Variants in TAL1 observed in about 807,000 individuals in gnomAD.
The protein encoded by TAL1 is T-cell acute lymphocytic leukemia protein 1.
Under a neutral mutation model 17.9 loss-of-function variants are expected in TAL1, and 8 were observed. That is an observed-to-expected ratio of 0.45 (90% confidence interval 0.26 to 0.81). The LOEUF (loss-of-function observed/expected upper bound fraction) is 0.81. Among genes scored for constraint, TAL1 ranks in the 30% least tolerant of loss-of-function variants. The pLI, the probability that TAL1 is intolerant of heterozygous loss-of-function variation, is 0.17. For missense variants in TAL1, 466 were observed against 486.9 expected (o/e 0.96, Z 0.40); for synonymous variants, 223 against 218.6 (o/e 1.02, Z -0.18).
At position 47,225,993 on chromosome 1, in the gene TAL1, C is replaced by T. The variant is rs921096796; in HGVS notation, c.-1-104G>A. 2.8e-5 allele frequency: 35 copies of T among 1,234,724 alleles called. 1 individual carries two copies. Among genetic ancestry groups the T allele is most frequent in the Middle Eastern group, 5.2e-4 (2 of 3,856 alleles). The allele number at this position is 1,234,724 out of a possible 1,614,324, so 76.5% of individuals were successfully genotyped here. On this transcript the variant is annotated intron_variant, in intron 1 of 3. Transcript: ENST00000294339. ...GGAGAAGGGCAGAGAGAGGAACTCA[C>T]GCACCGAGACGTGAGAAGAGGCAGA...
chr1:47,222,052 G>C (rs938303507), intron 3 of TAL1, among the ~76,000 whole-genome samples: 4 of 152,240 alleles, frequency 2.6e-5, no homozygotes, highest in Non-Finnish European at 5.9e-5. Flanking sequence ...GTTCTACCCT[G>C]GGCGGCCTCT....
chr1:47,230,890 C>G (rs1306254490), upstream of TAL1: 1 of 152,200 alleles, frequency 6.6e-6, no homozygotes, highest in Admixed American at 6.5e-5. Context: ...GTATCAGACC[C>G]AAGCGGCAAC....
upstream of TAL1, among the ~76,000 whole-genome samples, chr1:47,231,478 C>T (rs78219697): frequency 0.053 from 8,014 of 151,960 alleles, 278 homozygotes; most frequent in African/African-American, 0.085. Flanking sequence ...CAAACACCAC[C>T]TAGCACTGCC....
chr1:47,219,744 G>C (rs761558592), exon 4 of TAL1: 44 of 1,610,448 alleles, frequency 2.7e-5, no homozygotes, highest in Non-Finnish European at 3.5e-5. Flanking sequence ...CTCCATCGGC[G>C]GCAGGCAGCA....
exon 1 of TAL1, chr1:47,229,302 CT>C: frequency 2.4e-5 from 5 of 206,304 alleles, no homozygotes; most frequent in Non-Finnish European, 4.0e-5. Flanking sequence ...TGCTTTCCCC[CT>C]TTTTCGCTGA....
chr1:47,219,266 G>A, exon 4 of TAL1: 1 of 451,958 alleles, frequency 2.2e-6, no homozygotes, highest in Non-Finnish European at 4.2e-6. Context: ...GCAGCTATTG[G>A]GTACCTATAA....
At chr1:47,221,063 C>G (rs1322863314) in intron 3 of TAL1, among the ~76,000 whole-genome samples, 1 of 152,236 alleles carries the variant, frequency 6.6e-6, no homozygotes, top group Non-Finnish European at 1.5e-5. Flanking sequence ...GGCTGGAGTC[C>G]TGTGCACAAG....
chr1:47,217,433 A>C (rs916361576), exon 4 of TAL1: 35 of 397,766 alleles, frequency 8.8e-5, no homozygotes, highest in African/African-American at 6.2e-4. Context: ...TGGAGAAATG[A>C]GGACAATCTC....
chr1:47,229,797 G>GAA (rs1209498981), upstream of TAL1: 1 of 152,216 alleles, frequency 6.6e-6, no homozygotes, highest in African/African-American at 2.4e-5. Context: ...TCCGTGTTGG[G>GAA]AAAGGCGAAT....
At chr1:47,217,449 C>T in exon 4 of TAL1, 1 of 398,114 alleles carries the variant, frequency 2.5e-6, no homozygotes. Context: ...ATCTCAATAA[C>T]TCAGGCCAAA....
exon 4 of TAL1, chr1:47,218,480 G>C: frequency 4.3e-6 from 1 of 232,828 alleles, no homozygotes; most frequent in South Asian, 1.8e-4. Flanking sequence ...CACTTCTATT[G>C]CATTAAACCA....
intron 3 of TAL1, 75 bp downstream of exon 4, chr1:47,223,929 C>A: frequency 7.1e-7 from 1 of 1,406,718 alleles, no homozygotes. Context: ...ACGGAGTAGT[C>A]CCAGATGTTC....
chr1:47,221,695 G>A (rs72896542), intron 3 of TAL1, among the ~76,000 whole-genome samples: 3,881 of 152,260 alleles, frequency 0.025, 163 homozygotes, highest in African/African-American at 0.088. Context: ...GAAAACCGAG[G>A]TAGAGGAGAA....
chr1:47,224,263 T>C (rs1643875580), intron 2 of TAL1, among the ~76,000 whole-genome samples, 165 bp from the exon 4 acceptor site: 1 of 150,592 alleles, frequency 6.6e-6, no homozygotes. Context: ...CACACACACA[T>C]ACACACGGAA....
At chr1:47,229,334 G>A (rs1557682346) in exon 1 of TAL1, 1 of 198,022 alleles carries the variant, frequency 5.0e-6, no homozygotes, top group African/African-American at 2.3e-5. Context: ...GTTACGCTGC[G>A]GTGTGGTCCT....
intron 1 of TAL1, 48 bp from the exon 3 acceptor site, chr1:47,225,937 C>G: frequency 6.5e-7 from 1 of 1,545,026 alleles, no homozygotes; most frequent in Non-Finnish European, 8.7e-7. Context: ...GACGACCGCC[C>G]CTGACCCACC....
At chr1:47,223,860 G>A in intron 3 of TAL1, 144 bp downstream of exon 4, 1 of 773,274 alleles carries the variant, frequency 1.3e-6, no homozygotes, top group Non-Finnish European at 2.2e-6. Context: ...CAGCTGCAGG[G>A]TGAAGGGCTT....
chr1:47,224,403 AAC>A (rs3835389), intron 2 of TAL1, among the ~76,000 whole-genome samples: 115,617 of 148,550 alleles, frequency 0.78, 45,131 homozygotes, highest in Middle Eastern at 0.87. Flanking sequence ...CACAAAAATG[AAC>A]ACACACACAC....
At chr1:47,225,790 C>G in exon 2 of TAL1, 1 of 1,564,266 alleles carries the variant, frequency 6.4e-7, no homozygotes, top group Non-Finnish European at 8.6e-7. Context: ...CGCCGTTCAG[C>G]AGGACCAGGT....
Sources: gnomAD v4.1 joint callset for allele counts (sites outside exome capture counted in the v4.1 genomes callset) on GRCh38, gnomAD v4.1.1 for gene constraint, MANE v1.5 for transcripts, NCBI Gene and HGNC (gene_info 2026-07-23, HGNC 2026-07-21) for gene names.